IL1RAPL2: variants seen among roughly 807,000 people sequenced by gnomAD.
IL1RAPL2 encodes interleukin 1 receptor accessory protein like 2.
IL1RAPL2 carries 3 observed loss-of-function variants against 44.1 expected under a neutral mutation model. That is an observed-to-expected ratio of 0.07 (90% CI 0.03 to 0.18). IL1RAPL2 has a LOEUF of 0.18. Ranked by LOEUF, IL1RAPL2 falls within the 10% of genes least tolerant of loss-of-function variation. The pLI is 1.00. For missense variants in IL1RAPL2, 391 were observed against 496.4 expected (o/e 0.79, Z 2.02); for synonymous variants, 181 against 178.8 (o/e 1.01, Z -0.10).
In IL1RAPL2 at chrX:104,958,146, A is replaced by T. The variant is rs760718083; in HGVS notation, c.83-237329A>T. On this transcript the variant is annotated intron_variant, in intron 2 of 10. Coordinates refer to ENST00000372582, the MANE Select transcript of IL1RAPL2 (RefSeq NM_017416.2). ...CTTCTGTCACTATCTTGAAATTCTTAATAAGTTTTGAAGAAAGGATCTTGG... is the reference window on the plus strand; with the variant it reads ...CTTCTGTCACTATCTTGAAATTCTTTATAAGTTTTGAAGAAAGGATCTTGG... 1.4e-3 allele frequency among the ~76,000 whole-genome samples: 154 copies of T among 111,257 alleles called. 12 individuals carry two copies. Among genetic ancestry groups the T allele is most frequent in the Non-Finnish European group, 3.6e-4 (19 of 53,034 alleles).
chrX:104,950,710 TTTTTG>T (rs1461109154), intron 2 of IL1RAPL2, among the ~76,000 whole-genome samples: 12 of 85,080 alleles, frequency 1.4e-4, no homozygotes, highest in African/African-American at 3.3e-4. Context: ...TTTGTTTTTG[TTTTTG>T]TTTTTTTTTT....
chrX:105,013,447 G>C (rs754929866), intron 2 of IL1RAPL2, among the ~76,000 whole-genome samples: 1 of 110,325 alleles, frequency 9.1e-6, no homozygotes, highest in Non-Finnish European at 1.9e-5. Flanking sequence ...AAGAGGTAGC[G>C]ATACTCTGGT....
chrX:105,411,502 T>C (rs2035695283), intron 5 of IL1RAPL2, among the ~76,000 whole-genome samples: 1 of 111,053 alleles, frequency 9.0e-6, no homozygotes, highest in African/African-American at 3.3e-5. Flanking sequence ...AAACCAAAAG[T>C]AAGCCGGAAT....
intron 2 of IL1RAPL2, among the ~76,000 whole-genome samples, chrX:104,712,644 G>C (rs139476236): frequency 9.0e-6 from 1 of 111,119 alleles, no homozygotes; most frequent in African/African-American, 3.3e-5. Context: ...GAGTAGACCA[G>C]TAATTTTTTT....
At chrX:104,876,628 C>T (rs1464710280) in intron 2 of IL1RAPL2, among the ~76,000 whole-genome samples, 1 of 103,074 alleles carries the variant, frequency 9.7e-6, no homozygotes, top group Admixed American at 1.1e-4. Context: ...ACACACACAA[C>T]CAAATCACTG....
At chrX:104,650,213 T>C (rs1267550090) in intron 1 of IL1RAPL2, among the ~76,000 whole-genome samples, 2 of 111,517 alleles carry the variant, frequency 1.8e-5, no homozygotes, top group Non-Finnish European at 1.9e-5. Context: ...GGGGGAAGAC[T>C]CTTTTTAGGA....
chrX:104,782,602 A>G (rs1932780439), intron 2 of IL1RAPL2, among the ~76,000 whole-genome samples: 1 of 111,855 alleles, frequency 8.9e-6, no homozygotes. Flanking sequence ...AACCTGAACC[A>G]TCAAGTTAAT....
chrX:105,168,583 G>A (rs1251266815), intron 2 of IL1RAPL2, among the ~76,000 whole-genome samples: 1 of 105,727 alleles, frequency 9.5e-6, no homozygotes, highest in African/African-American at 3.8e-5. Flanking sequence ...CAGTCAGCCA[G>A]CTGGATACCC....
intron 2 of IL1RAPL2, among the ~76,000 whole-genome samples, chrX:104,683,905 A>G (rs1248109158): frequency 1.8e-5 from 2 of 111,955 alleles, no homozygotes; most frequent in East Asian, 5.6e-4. Flanking sequence ...TAGACCCTCC[A>G]CCTCACCTAC....
intron 7 of IL1RAPL2, among the ~76,000 whole-genome samples, chrX:105,725,557 G>A (rs967781854): frequency 8.1e-5 from 9 of 111,263 alleles, no homozygotes; most frequent in African/African-American, 2.3e-4. Context: ...TTAAAATAAG[G>A]TGAGTCTATC....
intron 6 of IL1RAPL2, among the ~76,000 whole-genome samples, chrX:105,553,273 G>A (rs191823747): frequency 1.4e-3 from 157 of 111,939 alleles, no homozygotes; most frequent in Non-Finnish European, 1.9e-3. Flanking sequence ...TGATTAGTTG[G>A]CAGCGGCTTT....
chrX:105,067,893 A>C (rs951939592), intron 2 of IL1RAPL2, among the ~76,000 whole-genome samples: 12 of 112,067 alleles, frequency 1.1e-4, no homozygotes, highest in African/African-American at 3.9e-4. Flanking sequence ...GGCTTGTGGC[A>C]TTAACCAGAG....
chrX:104,788,674 C>T (rs781645201), intron 2 of IL1RAPL2, among the ~76,000 whole-genome samples: 2 of 111,687 alleles, frequency 1.8e-5, no homozygotes, highest in South Asian at 7.5e-4. Context: ...GTAAAGATTA[C>T]CAAGAGCTTT....
chrX:105,062,185 G>C (rs1487504716), intron 2 of IL1RAPL2, among the ~76,000 whole-genome samples: 2 of 110,318 alleles, frequency 1.8e-5, no homozygotes, highest in Admixed American at 1.9e-4. Flanking sequence ...TTTTATTTTT[G>C]TGTATCCACT....
chrX:104,569,137 C>T (rs57593824), intron 1 of IL1RAPL2, among the ~76,000 whole-genome samples: 1,280 of 112,385 alleles, frequency 0.011, 20 homozygotes, highest in African/African-American at 0.039. Flanking sequence ...TCTGCTTCTG[C>T]CCTATAGGTC....
intron 2 of IL1RAPL2, among the ~76,000 whole-genome samples, chrX:104,867,643 G>A (rs1163489621): frequency 9.0e-6 from 1 of 111,660 alleles, no homozygotes; most frequent in African/African-American, 3.3e-5. Flanking sequence ...CCAAGCTAAA[G>A]AGAAACTGGC....
chrX:105,740,406 A>G lies in IL1RAPL2; in HGVS notation c.903-140A>G, dbSNP rs1267955714. The G allele has an allele frequency of 1.9e-5, 9 of 483,186 alleles. No homozygotes were observed. The Admixed American group carries it at 3.1e-4, about 17-fold the overall frequency. The allele number at this position is 483,186 out of a possible 1,213,427, so 39.8% of individuals were successfully genotyped here. A position where few individuals can be genotyped will look rare whatever the true frequency, so the allele number is the denominator to read the frequency against. ...TTTGTGTTTTCTTGTAGAAGGTCCC[A>G]CCCACACATACACCCAGCCAGGATT... On this transcript the variant is annotated intron_variant, in intron 7 of 10. Coordinates refer to ENST00000372582, the MANE Select transcript of IL1RAPL2 (RefSeq NM_017416.2).
chrX:105,227,057 T>A (rs1478006632), intron 3 of IL1RAPL2, among the ~76,000 whole-genome samples: 89 of 79,643 alleles, frequency 1.1e-3, no homozygotes, highest in Non-Finnish European at 1.9e-3. Flanking sequence ...AACATCACAC[T>A]CTGGGGACTG....
At chrX:104,825,554 C>G (rs1921428249) in intron 2 of IL1RAPL2, among the ~76,000 whole-genome samples, 1 of 111,839 alleles carries the variant, frequency 8.9e-6, no homozygotes, top group African/African-American at 3.2e-5. Flanking sequence ...TCCAAGTGCT[C>G]TGGAATATAT....
Sources: gnomAD v4.1 joint callset for allele counts (sites outside exome capture counted in the v4.1 genomes callset) on GRCh38, gnomAD v4.1.1 for gene constraint, MANE v1.5 for transcripts, NCBI Gene and HGNC (gene_info 2026-07-23, HGNC 2026-07-21) for gene names.